The following PACS1 variants were observed in gnomAD, a reference collection of about 807,000 sequenced individuals.
The protein encoded by PACS1 is PACS-1.
PACS1 carries 24 observed loss-of-function variants against 115.0 expected under a neutral mutation model. That is an observed-to-expected ratio of 0.21 (90% confidence interval 0.15 to 0.29). The LOEUF (loss-of-function observed/expected upper bound fraction) is 0.29. PACS1 is among the 10% of genes least tolerant of loss of function. PACS1 has a pLI of 1.00. For synonymous variants in PACS1, 453 were observed against 504.5 expected (o/e 0.90, Z 1.37); for missense variants, 838 against 1,251.2 (o/e 0.67, Z 4.98).
intron 1 of PACS1, among the ~76,000 whole-genome samples, chr11:66,180,539 G>C (rs1859984773): frequency 6.6e-6 from 1 of 152,040 alleles, no homozygotes; most frequent in African/African-American, 2.4e-5. Flanking sequence ...ATTTTTAGTA[G>C]AGACAGGGTT....
At chr11:66,238,272 G>A (rs752227896) in intron 19 of PACS1, 1 of 985,320 alleles carries the variant, frequency 1.0e-6, no homozygotes, top group Non-Finnish European at 1.2e-6. Flanking sequence ...CTCCCACCTG[G>A]CAGAGACAGA....
At chr11:66,232,858 A>G in intron 14 of PACS1, 102 bp from the exon 15 acceptor site, 1 of 844,932 alleles carries the variant, frequency 1.2e-6, no homozygotes, top group Non-Finnish European at 2.0e-6. Flanking sequence ...TGCAGAGGAC[A>G]GGGGCCCTGC....
intron 1 of PACS1, among the ~76,000 whole-genome samples, chr11:66,160,214 A>G (rs1049691874): frequency 6.6e-6 from 1 of 152,164 alleles, no homozygotes; most frequent in Non-Finnish European, 1.5e-5. Flanking sequence ...AGCCTAACCT[A>G]GTTAACACAG....
At chr11:66,189,890 A>G (rs958862036) in intron 1 of PACS1, among the ~76,000 whole-genome samples, 8 of 152,198 alleles carry the variant, frequency 5.3e-5, no homozygotes, top group Non-Finnish European at 1.0e-4. Context: ...AACTAGGGGA[A>G]AGGCACTCAA....
chr11:66,219,750 C>T lies in PACS1; in HGVS notation c.983C>T (p.Pro328Leu). 1 of 1,613,378 alleles carries T rather than the reference C, an allele frequency of 6.2e-7. No homozygotes were observed. Among genetic ancestry groups the T allele is most frequent in the Non-Finnish European group, 8.5e-7 (1 of 1,179,446 alleles). Residue 328 changes from proline to leucine, a missense_variant, in exon 8 of 24, where the codon CCT (proline) becomes CTT (leucine). Coordinates refer to ENST00000320580, the MANE Select transcript of PACS1 (RefSeq NM_018026.4). The stretch of plus-strand genomic sequence containing the variant: ...TCATGCGATTTGTCCCTACAGCAAC[C>T]TAACATCAAACAGAAGTTTGTGGCC... ...LTSTSAITRQ[P>L]NIKQKFVALL...
At chr11:66,199,337 G>A (rs956146567) in intron 2 of PACS1, among the ~76,000 whole-genome samples, 4 of 151,434 alleles carry the variant, frequency 2.6e-5, no homozygotes, top group Admixed American at 1.3e-4. Context: ...AAAAGAGGGA[G>A]GGGGGATGAA....
intron 1 of PACS1, among the ~76,000 whole-genome samples, chr11:66,176,259 A>G (rs903109624): frequency 8.5e-5 from 13 of 152,098 alleles, no homozygotes; most frequent in African/African-American, 3.1e-4. Context: ...GTAGTCTGCA[A>G]TGTCTGTTGT....
At chr11:66,090,278 T>C (rs1857638568) in intron 1 of PACS1, among the ~76,000 whole-genome samples, 1 of 146,020 alleles carries the variant, frequency 6.8e-6, no homozygotes, top group South Asian at 2.2e-4. Context: ...TTTCTTTTTT[T>C]TTTTTTTTTT....
intron 1 of PACS1, among the ~76,000 whole-genome samples, chr11:66,079,099 G>A (rs1323884063): frequency 6.6e-6 from 1 of 152,080 alleles, no homozygotes; most frequent in Admixed American, 6.6e-5. Flanking sequence ...GTAGAGACAG[G>A]CTTTCACCAT....
chr11:66,238,929 G>A (rs1855756412), intron 20 of PACS1, 83 bp downstream of exon 20: 3 of 1,427,288 alleles, frequency 2.1e-6, no homozygotes, highest in Non-Finnish European at 2.9e-6. Flanking sequence ...CAGAAGTTAA[G>A]CTCTGGATGC....
intron 1 of PACS1, among the ~76,000 whole-genome samples, chr11:66,191,597 T>C (rs1454288325): frequency 6.6e-6 from 1 of 152,228 alleles, no homozygotes; most frequent in Non-Finnish European, 1.5e-5. Context: ...AGTCCTGTTT[T>C]TGAGGTCTAG....
At position 66,093,259 on chromosome 11, in the gene PACS1, T is replaced by TA. The variant is rs530938710; in HGVS notation, c.356+22420dup. 3.4e-3 allele frequency among the ~76,000 whole-genome samples: 516 copies of TA among 152,258 alleles called. 4 individuals are homozygous for TA. Among genetic ancestry groups the TA allele is most frequent in the African/African-American group, 0.011 (466 of 41,526 alleles). Reference sequence around the variant, plus strand: ...CCCGTGTAAGTTGGATTCCTAGGTATAAAGAGTCAAGACCCATCAGTGTGC... The same window carrying TA: ...CCCGTGTAAGTTGGATTCCTAGGTATAAAAGAGTCAAGACCCATCAGTGTGC... On this transcript the variant is annotated intron_variant, in intron 1 of 23. Coordinates refer to ENST00000320580, the MANE Select transcript of PACS1 (RefSeq NM_018026.4).
intron 2 of PACS1, among the ~76,000 whole-genome samples, chr11:66,197,479 TG>T (rs1461856918): frequency 6.6e-6 from 1 of 152,182 alleles, no homozygotes; most frequent in East Asian, 1.9e-4. Context: ...AGAGAGTTAA[TG>T]GTGTAGTATC....
At chr11:66,123,368 T>G (rs1858490553) in intron 1 of PACS1, among the ~76,000 whole-genome samples, 1 of 151,694 alleles carries the variant, frequency 6.6e-6, no homozygotes, top group African/African-American at 2.4e-5. Context: ...ATTTTTGTAT[T>G]TTTAGTAGAG....
chr11:66,162,813 C>T (rs1859522766), intron 1 of PACS1, among the ~76,000 whole-genome samples: 1 of 152,138 alleles, frequency 6.6e-6, no homozygotes, highest in African/African-American at 2.4e-5. Flanking sequence ...TTATGTGAAA[C>T]CAAGTAAGCA....
chr11:66,149,234 G>A (rs1284585465), intron 1 of PACS1, among the ~76,000 whole-genome samples: 6 of 151,812 alleles, frequency 4.0e-5, no homozygotes, highest in Admixed American at 3.3e-4. Context: ...TGGGATTACA[G>A]GCGTGCGCCA....
chr11:66,122,244 C>A (rs941671732), intron 1 of PACS1, among the ~76,000 whole-genome samples: 4 of 152,150 alleles, frequency 2.6e-5, no homozygotes, highest in Admixed American at 6.5e-5. Context: ...GCATGGTTTA[C>A]TGAATATTTA....
At position 66,120,184 on chromosome 11, in the gene PACS1, G is replaced by C. The variant is rs549036259; in HGVS notation, c.356+49342G>C. ...TTTTTTTGAGACAGAGTCTCGCTCT[G>C]TTGCCCAGGCTGGAGTGCAGTGGCA... is the stretch of plus-strand genomic sequence containing the variant. On this transcript the variant is annotated intron_variant, in intron 1 of 23. Coordinates refer to ENST00000320580, the MANE Select transcript of PACS1 (RefSeq NM_018026.4). 7.1e-5 allele frequency among the ~76,000 whole-genome samples: 9 copies of C among 126,172 alleles called. No individual in the cohort carries two copies. The Admixed American group carries it at 8.9e-4, about 13-fold the overall frequency. 82.8% of individuals were successfully genotyped at this position (126,172 alleles called of 152,430 possible). A position where few individuals can be genotyped will look rare whatever the true frequency, so the allele number is the denominator to read the frequency against.
chr11:66,185,849 G>A (rs1172098458), intron 1 of PACS1, among the ~76,000 whole-genome samples: 1 of 152,086 alleles, frequency 6.6e-6, no homozygotes, highest in African/African-American at 2.4e-5. Context: ...TAATGTTTGG[G>A]GGTTGTAACT....
Sources: gnomAD v4.1 joint callset for allele counts (sites outside exome capture counted in the v4.1 genomes callset) on GRCh38, gnomAD v4.1.1 for gene constraint, MANE v1.5 for transcripts, NCBI Gene and HGNC (gene_info 2026-07-23, HGNC 2026-07-21) for gene names.